GNG2: variants seen among roughly 807,000 people sequenced by gnomAD.
GNG2 encodes guanine nucleotide-binding protein G(I)/G(S)/G(O) subunit gamma-2.
Under a neutral mutation model 5.5 loss-of-function variants are expected in GNG2, and 5 were observed. The observed-to-expected ratio is 0.91, with a 90% CI of 0.48 to 1.92. GNG2 has a LOEUF of 1.92. GNG2 is among the 30% of genes most tolerant of loss of function. The probability of loss-of-function intolerance (pLI) is 0.01; values close to 1 mark genes in which losing one functional copy is unlikely to be tolerated. For missense variants in GNG2, 55 were observed against 88.4 expected, an observed-to-expected ratio of 0.62 and a Z score of 1.52; for synonymous variants, 28 against 32.0, an observed-to-expected ratio of 0.88 and a Z score of 0.42.
chr14:51,858,130 G>T (rs1292544222), upstream of GNG2, among the ~76,000 whole-genome samples: 1 of 152,162 alleles, frequency 6.6e-6, no homozygotes, highest in Non-Finnish European at 1.5e-5. Context: ...TATTAATGGC[G>T]AGATGTCATT....
chr14:51,949,764 T>G (rs1292762433), intron 2 of GNG2, among the ~76,000 whole-genome samples: 1 of 152,088 alleles, frequency 6.6e-6, no homozygotes, highest in Non-Finnish European at 1.5e-5. Flanking sequence ...GAAGTGGGCA[T>G]CAGCAACGGG....
chr14:51,881,701 C>CTTTTTTTTTTTTTTTTTTTTTTTTTTTTT (rs58544362), intron 2 of GNG2, among the ~76,000 whole-genome samples: 6 of 104,224 alleles, frequency 5.8e-5, no homozygotes, highest in Non-Finnish European at 7.5e-5. Context: ...AGCTGGAAGA[C>CTTTTTTTTTTTTTTTTTTTTTTTTTTTTT]TTTTTTTTTT....
intron 2 of GNG2, among the ~76,000 whole-genome samples, chr14:51,907,044 C>G (rs577917907): frequency 6.6e-6 from 1 of 152,148 alleles, no homozygotes; most frequent in African/African-American, 2.4e-5. Context: ...CATGAGCCAC[C>G]GTGCCCGGCC....
At chr14:51,888,485 A>T (rs1434697292) in intron 2 of GNG2, among the ~76,000 whole-genome samples, 1 of 152,040 alleles carries the variant, frequency 6.6e-6, no homozygotes, top group Non-Finnish European at 1.5e-5. Flanking sequence ...CGCCTGGCTA[A>T]TTTTTAAATG....
At chr14:51,851,089 C>A (rs994857744) in intron 2 of GNG2, among the ~76,000 whole-genome samples, 10 of 152,188 alleles carry the variant, frequency 6.6e-5, no homozygotes, top group African/African-American at 2.4e-4. Context: ...AAGGCAGCCT[C>A]AGGAACATTT....
At chr14:51,838,999 A>G (rs11851149) in intron 2 of GNG2, among the ~76,000 whole-genome samples, 34,214 of 152,136 alleles carry the variant, frequency 0.22, 4,553 homozygotes, top group African/African-American at 0.36. Context: ...GCTAAGTCAA[A>G]TAACTCAAGC....
At chr14:51,853,177 G>A (rs952867715) in intron 2 of GNG2, among the ~76,000 whole-genome samples, 2 of 152,112 alleles carry the variant, frequency 1.3e-5, no homozygotes, top group African/African-American at 4.8e-5. Context: ...TCTTCCATAG[G>A]ACCTAATTGT....
intron 2 of GNG2, among the ~76,000 whole-genome samples, chr14:51,885,392 C>T (rs1884378744): frequency 6.6e-6 from 1 of 152,068 alleles, no homozygotes; most frequent in Non-Finnish European, 1.5e-5. Flanking sequence ...TAAGTGAGTG[C>T]TTTCTAAGAG....
intron 2 of GNG2, among the ~76,000 whole-genome samples, chr14:51,933,352 T>A (rs1382011029): frequency 6.6e-6 from 1 of 152,114 alleles, no homozygotes; most frequent in Non-Finnish European, 1.5e-5. Context: ...GGGAAACTAT[T>A]TATAGTGGAT....
At chr14:51,854,863 G>A (rs572741104) in intron 2 of GNG2, among the ~76,000 whole-genome samples, 20 of 152,064 alleles carry the variant, frequency 1.3e-4, no homozygotes, top group South Asian at 8.3e-4. Flanking sequence ...CCTCCCTCCC[G>A]TCTTTTGCCT....
intron 2 of GNG2, among the ~76,000 whole-genome samples, chr14:51,932,063 G>A (rs1887686454): frequency 6.6e-6 from 1 of 151,790 alleles, no homozygotes; most frequent in Non-Finnish European, 1.5e-5. Flanking sequence ...TGGCTAACAT[G>A]GTGAAACCCC....
rs545715172 is a variant in GNG2, at chr14:51,909,019, T to G, written c.-30+31362T>G. Among the ~76,000 whole-genome samples the G allele has an allele frequency of 3.3e-4, 51 of 152,278 alleles. No homozygotes were observed. The East Asian group carries it at 9.3e-3, about 28-fold the overall frequency. On this transcript the variant is annotated intron_variant, in intron 2 of 3. Transcript: ENST00000556766. ...ATGTAAACTTCTTATATAACCATAG[T>G]TATTAACAGATATTTACCTATCATT...
At chr14:51,953,730 G>A (rs116417823) in intron 3 of GNG2, among the ~76,000 whole-genome samples, 1,586 of 152,262 alleles carry the variant, frequency 0.01, 33 homozygotes, top group African/African-American at 0.036. Flanking sequence ...GTGTTGACAC[G>A]GTTGTCAGCT....
At chr14:51,955,604 A>G (rs942928362) in intron 3 of GNG2, among the ~76,000 whole-genome samples, 3 of 152,344 alleles carry the variant, frequency 2.0e-5, no homozygotes, top group East Asian at 1.9e-4. Flanking sequence ...TATATTCCCC[A>G]TGACATTCCC....
intron 2 of GNG2, among the ~76,000 whole-genome samples, chr14:51,917,990 C>T (rs1032925673): frequency 2.0e-5 from 3 of 148,698 alleles, no homozygotes; most frequent in African/African-American, 5.0e-5. Flanking sequence ...CGTGTCACTG[C>T]ACTCTAGTCT....
chr14:51,952,398 CTT>C (rs1889032738), intron 3 of GNG2, among the ~76,000 whole-genome samples: 1 of 152,190 alleles, frequency 6.6e-6, no homozygotes, highest in Non-Finnish European at 1.5e-5. Context: ...TTTTCACTCT[CTT>C]GCTGAAAAAG....
At chr14:51,911,907 A>G (rs951516481) in intron 2 of GNG2, among the ~76,000 whole-genome samples, 2 of 147,710 alleles carry the variant, frequency 1.4e-5, no homozygotes, top group Admixed American at 1.4e-4. Flanking sequence ...AAGGAGTTGA[A>G]TCATGAAAAG....
Position 51,950,650 on chromosome 14 carries a change from T to A in GNG2, c.-29T>A. ...ATCTTCTTTTTGTTTTCTTTTCTAG[T>A]GTTTCTGAAAGATCTATCCAGCACT... On this transcript the variant is annotated splice_region_variant and 5_prime_UTR_variant, in exon 3 of 4. Transcript: ENST00000556766. The A allele has an allele frequency of 6.5e-7, 1 of 1,536,322 alleles. No homozygotes were observed. Among genetic ancestry groups the A allele is most frequent in the Admixed American group, 1.8e-5 (1 of 56,692 alleles).
chr14:51,932,092 A>T (rs548177164), intron 2 of GNG2, among the ~76,000 whole-genome samples: 3 of 152,056 alleles, frequency 2.0e-5, no homozygotes, highest in African/African-American at 7.2e-5. Context: ...TAAAAAATAG[A>T]AAAAATTAGC....
Sources: gnomAD v4.1 joint callset for allele counts (sites outside exome capture counted in the v4.1 genomes callset) on GRCh38, gnomAD v4.1.1 for gene constraint, MANE v1.5 for transcripts, NCBI Gene and HGNC (gene_info 2026-07-23, HGNC 2026-07-21) for gene names.